The following CALN1 variants were observed in gnomAD, a reference collection of about 807,000 sequenced individuals.
CALN1 encodes the protein calneuron 1.
A neutral mutation model predicts 30.6 loss-of-function variants in CALN1; 17 were observed. The observed-to-expected ratio is 0.56, with a 90% CI of 0.38 to 0.83. The LOEUF (loss-of-function observed/expected upper bound fraction) is 0.83, where lower values mean the gene tolerates loss of function less well. Ranked by LOEUF, CALN1 falls within the 40% of genes least tolerant of loss-of-function variation. CALN1 has a pLI of 0.00. For synonymous variants in CALN1, 156 were observed against 131.4 expected, an observed-to-expected ratio of 1.19 and a Z score of -1.28; for missense variants, 291 against 354.9, an observed-to-expected ratio of 0.82 and a Z score of 1.45.
chr7:72,383,353 T>A (rs573821848), intron 2 of CALN1, among the ~76,000 whole-genome samples: 1 of 152,360 alleles, frequency 6.6e-6, no homozygotes, highest in East Asian at 1.9e-4. Context: ...CTTTCCACAG[T>A]GGTTGAACTA....
At chr7:72,212,755 A>G (rs560676629) in intron 3 of CALN1, among the ~76,000 whole-genome samples, 70 of 152,256 alleles carry the variant, frequency 4.6e-4, no homozygotes, top group Non-Finnish European at 9.0e-4. Context: ...TGGAGGCCTC[A>G]ATGAGTTATG....
chr7:71,922,637 A>G (rs1171023237), intron 5 of CALN1, among the ~76,000 whole-genome samples: 1 of 133,764 alleles, frequency 7.5e-6, no homozygotes, highest in Non-Finnish European at 1.5e-5. Flanking sequence ...ATAAATATAT[A>G]ACAGAATATA....
chr7:71,799,302 T>A (rs889221174), intron 6 of CALN1, among the ~76,000 whole-genome samples: 3 of 152,136 alleles, frequency 2.0e-5, no homozygotes, highest in Non-Finnish European at 4.4e-5. Flanking sequence ...CCCAAGTGCC[T>A]CACTCAAGTG....
chr7:72,476,382 A>G, the CALN1 span, among the ~76,000 whole-genome samples: 1 of 152,092 alleles, frequency 6.6e-6, no homozygotes, highest in Non-Finnish European at 1.5e-5. Flanking sequence ...TCCTTTATAA[A>G]TTACCCAGTC....
At chr7:71,823,077 T>A (rs1442068092) in intron 5 of CALN1, among the ~76,000 whole-genome samples, 1 of 152,198 alleles carries the variant, frequency 6.6e-6, no homozygotes, top group Non-Finnish European at 1.5e-5. Context: ...TCTCCCCTTC[T>A]CTCATGACAG....
intron 2 of CALN1, among the ~76,000 whole-genome samples, chr7:72,280,132 C>T (rs1797637931): frequency 6.6e-6 from 1 of 152,178 alleles, no homozygotes. Flanking sequence ...TCATTTCAAA[C>T]TCAAAATGTC....
chr7:71,861,776 CCAAAA>C (rs1791293274), intron 5 of CALN1, among the ~76,000 whole-genome samples: 1 of 28,968 alleles, frequency 3.5e-5, no homozygotes, highest in African/African-American at 8.7e-5. Flanking sequence ...GCAACTCTAT[CCAAAA>C]AAAAAAAAAA....
At chr7:71,836,538 C>A (rs144743044) in intron 5 of CALN1, among the ~76,000 whole-genome samples, 3 of 152,086 alleles carry the variant, frequency 2.0e-5, no homozygotes, top group Non-Finnish European at 4.4e-5. Context: ...ATTCCATGCT[C>A]TCTGCACATT....
intron 5 of CALN1, among the ~76,000 whole-genome samples, chr7:71,858,028 C>G (rs1791054790): frequency 6.6e-6 from 1 of 152,134 alleles, no homozygotes; most frequent in South Asian, 2.1e-4. Context: ...CTCAGGACCC[C>G]TGATATGGTT....
At chr7:72,112,568 A>G (rs1807658134) in intron 3 of CALN1, among the ~76,000 whole-genome samples, 1 of 152,212 alleles carries the variant, frequency 6.6e-6, no homozygotes, top group African/African-American at 2.4e-5. Context: ...ATACAAACCT[A>G]GAGTTATTTA....
chr7:71,894,728 GTTAT>G (rs1398019875), intron 5 of CALN1, among the ~76,000 whole-genome samples: 2 of 152,092 alleles, frequency 1.3e-5, no homozygotes, highest in Admixed American at 1.3e-4. Context: ...AACCCGTAGT[GTTAT>G]TTATTTTGCT....
At chr7:72,408,823 G>A (rs1806895118) in intron 1 of CALN1, among the ~76,000 whole-genome samples, 2 of 151,376 alleles carry the variant, frequency 1.3e-5, no homozygotes, top group South Asian at 2.1e-4. Flanking sequence ...GACTACAGGC[G>A]GGCACCATCA....
intron 4 of CALN1, among the ~76,000 whole-genome samples, chr7:72,095,429 TAAC>T (rs1008435973): frequency 3.3e-5 from 5 of 152,206 alleles, no homozygotes; most frequent in African/African-American, 1.2e-4. Flanking sequence ...CATAATTCAC[TAAC>T]ACAGAGTGAA....
In CALN1 at chr7:71,922,759, T is replaced by G. The variant is rs9768616; in HGVS notation, c.501+100898A>C. Among the ~76,000 whole-genome samples the G allele has an allele frequency of 1.6e-3, 192 of 123,400 alleles. 2 individuals carry two copies. The South Asian group carries it at 0.021, about 13-fold the overall frequency. 81.0% of individuals were successfully genotyped at this position (123,400 alleles called of 152,430 possible). On this transcript the variant is annotated intron_variant, in intron 5 of 6. Coordinates refer to ENST00000395275, the MANE Select transcript of CALN1 (RefSeq NM_031468.4). The stretch of plus-strand genomic sequence containing the variant: ...ATATATTATATATAAATATATAACA[T>G]ACCGAATATATTATATATAAATATA...
chr7:72,170,284 TCTAA>T (rs1157384831), intron 3 of CALN1, among the ~76,000 whole-genome samples: 3 of 152,184 alleles, frequency 2.0e-5, no homozygotes, highest in Non-Finnish European at 4.4e-5. Flanking sequence ...TGGCTACCTC[TCTAA>T]CTCTTTATTT....
rs146844884 is a variant in CALN1, at chr7:71,929,154, T to C, written c.501+94503A>G. On this transcript the variant is annotated intron_variant, in intron 5 of 6. Coordinates refer to ENST00000395275, the MANE Select transcript of CALN1 (RefSeq NM_031468.4). Reference sequence around the variant, plus strand: ...TCCAACTTTTAAGTTCAAGGGTACATGTGCAGGATGTGCAGGTTTGTTACA... The same window carrying C: ...TCCAACTTTTAAGTTCAAGGGTACACGTGCAGGATGTGCAGGTTTGTTACA... Among the ~76,000 whole-genome samples the C allele has an allele frequency of 1.4e-3, 219 of 152,338 alleles. 1 individual carries two copies. The highest frequency in any genetic ancestry group is 5.1e-3 in the African/African-American group (210 of 41,576).
At chr7:72,450,260 T>C (rs986350744), upstream of CALN1, among the ~76,000 whole-genome samples, 1 of 152,134 alleles carries the variant, frequency 6.6e-6, no homozygotes, top group Non-Finnish European at 1.5e-5. Flanking sequence ...TTACATGCAA[T>C]TTCTTGTCCT....
At chr7:72,462,699 G>A in the CALN1 span, among the ~76,000 whole-genome samples, 1 of 152,218 alleles carries the variant, frequency 6.6e-6, no homozygotes. Flanking sequence ...GGAGATTCAG[G>A]GGCAGATGTG....
At chr7:72,376,215 T>G (rs1804544255) in intron 2 of CALN1, among the ~76,000 whole-genome samples, 1 of 152,136 alleles carries the variant, frequency 6.6e-6, no homozygotes, top group Admixed American at 6.5e-5. Flanking sequence ...TATATACAAG[T>G]ATTTGTGTGA....
Sources: allele counts gnomAD v4.1 joint callset (sites outside exome capture counted in the v4.1 genomes callset), GRCh38; gene constraint gnomAD v4.1.1; transcripts MANE v1.5; gene names NCBI Gene and HGNC (gene_info 2026-07-23, HGNC 2026-07-21).